EYA1: variants seen among roughly 807,000 people sequenced by gnomAD.
EYA1 encodes protein phosphatase EYA1.
EYA1 carries 16 observed loss-of-function variants against 82.0 expected under a neutral mutation model. The ratio of observed to expected loss-of-function variants is 0.20; its 90% CI spans 0.13 to 0.30. The LOEUF (loss-of-function observed/expected upper bound fraction) is 0.30, where lower values mean the gene tolerates loss of function less well. Among genes scored for constraint, EYA1 ranks in the 10% least tolerant of loss-of-function variants. EYA1 has a pLI of 1.00. For synonymous variants in EYA1, 261 were observed against 264.4 expected (o/e 0.99, Z 0.12); for missense variants, 633 against 730.7 (o/e 0.87, Z 1.54).
At chr8:71,222,057 G>A (rs2128866832) in intron 12 of EYA1, among the ~76,000 whole-genome samples, 1 of 152,282 alleles carries the variant, frequency 6.6e-6, no homozygotes, top group East Asian at 1.9e-4. Context: ...TCTCTTCCAA[G>A]TGCAGTTTCC....
intron 7 of EYA1, among the ~76,000 whole-genome samples, chr8:71,308,604 C>G (rs971595726): frequency 6.6e-6 from 1 of 151,740 alleles, no homozygotes; most frequent in African/African-American, 2.4e-5. Context: ...TAGTTAAGAA[C>G]ACAGCCTATG....
intron 2 of EYA1, among the ~76,000 whole-genome samples, chr8:71,375,710 C>T (rs761857020): frequency 1.3e-5 from 2 of 152,076 alleles, no homozygotes; most frequent in Non-Finnish European, 2.9e-5. Flanking sequence ...CTCACTGCAA[C>T]TTCTGCCTCC....
At chr8:71,338,476 A>G (rs1233005817) in intron 3 of EYA1, among the ~76,000 whole-genome samples, 3 of 152,154 alleles carry the variant, frequency 2.0e-5, no homozygotes, top group Non-Finnish European at 4.4e-5. Flanking sequence ...CATAAATTTC[A>G]GTGTGGATCT....
intron 11 of EYA1, among the ~76,000 whole-genome samples, chr8:71,261,860 C>T (rs150626363): frequency 1.3e-5 from 2 of 152,292 alleles, no homozygotes; most frequent in Admixed American, 1.3e-4. Flanking sequence ...CTCCTACCTC[C>T]CTCCTTCCTA....
intron 7 of EYA1, among the ~76,000 whole-genome samples, chr8:71,312,532 C>A (rs149849235): frequency 6.6e-6 from 1 of 152,136 alleles, no homozygotes; most frequent in African/African-American, 2.4e-5. Flanking sequence ...CTGAACCTCA[C>A]GGTCCCAAGA....
Position 71,424,322 on chromosome 8 carries a change from A to G in EYA1, c.34-67811T>C, listed in dbSNP as rs192343050. On this transcript the variant is annotated intron_variant, in intron 2 of 18. Coordinates refer to the EYA1 transcript ENST00000643681. Reference sequence around the variant, plus strand: ...CCTAAAACATCTGAGTCAAAATTCAATGATTCAAATGGTAATGAGAGTGTA... The same window carrying G: ...CCTAAAACATCTGAGTCAAAATTCAGTGATTCAAATGGTAATGAGAGTGTA... Among the ~76,000 whole-genome samples, 34 of 152,356 alleles carry G rather than the reference A, an allele frequency of 2.2e-4. No individual in the cohort carries two copies. The East Asian group carries it at 6.6e-3, about 29-fold the overall frequency.
At chr8:71,253,029 A>G (rs1041830384) in intron 11 of EYA1, among the ~76,000 whole-genome samples, 3 of 152,206 alleles carry the variant, frequency 2.0e-5, no homozygotes, top group African/African-American at 7.2e-5. Flanking sequence ...CATAGAGTCC[A>G]AATTTAGTGC....
intron 2 of EYA1, among the ~76,000 whole-genome samples, chr8:71,473,902 A>G (rs1809434687): frequency 6.6e-6 from 1 of 152,126 alleles, no homozygotes. Context: ...CTTTGCAGGG[A>G]CTTGGATGAA....
chr8:71,401,312 C>G (rs1829946017), intron 2 of EYA1, among the ~76,000 whole-genome samples: 1 of 152,190 alleles, frequency 6.6e-6, no homozygotes, highest in Non-Finnish European at 1.5e-5. Context: ...AAATCAGACA[C>G]AGCAAGAGTT....
intron 9 of EYA1, among the ~76,000 whole-genome samples, chr8:71,286,959 G>T (rs764737509): frequency 6.6e-6 from 1 of 151,868 alleles, no homozygotes; most frequent in Admixed American, 6.6e-5. Flanking sequence ...CTGCCACCAC[G>T]CCTGGCTAAT....
intron 2 of EYA1, among the ~76,000 whole-genome samples, chr8:71,393,090 T>C (rs1430854734): frequency 3.3e-5 from 5 of 152,140 alleles, no homozygotes; most frequent in African/African-American, 1.2e-4. Flanking sequence ...GATATAAAAC[T>C]ATGTACCTCT....
chr8:71,213,776 T>C (rs117766290), intron 16 of EYA1, among the ~76,000 whole-genome samples: 1,790 of 152,296 alleles, frequency 0.012, 17 homozygotes, highest in Admixed American at 0.022. Flanking sequence ...AAAACCTGAT[T>C]TCCCCATCAG....
At chr8:71,338,789 C>T (rs188740054) in intron 3 of EYA1, among the ~76,000 whole-genome samples, 10 of 152,352 alleles carry the variant, frequency 6.6e-5, no homozygotes, top group South Asian at 6.2e-4. Flanking sequence ...AAATAATTCA[C>T]GCTGCAACGC....
intron 2 of EYA1, among the ~76,000 whole-genome samples, chr8:71,497,677 A>T (rs1409992455): frequency 6.6e-6 from 1 of 152,202 alleles, no homozygotes; most frequent in Admixed American, 6.5e-5. Flanking sequence ...CAAAAAATTA[A>T]AAACAGAACT....
At chr8:71,306,592 T>A (rs181242052) in intron 7 of EYA1, among the ~76,000 whole-genome samples, 1 of 152,196 alleles carries the variant, frequency 6.6e-6, no homozygotes, top group Non-Finnish European at 1.5e-5. Flanking sequence ...CATGCACAGC[T>A]CACCATGGTA....
intron 1 of EYA1, chr8:71,356,726 G>T (rs566240595): frequency 7.4e-5 from 91 of 1,229,940 alleles, no homozygotes; most frequent in African/African-American, 9.3e-5. Context: ...CCCTTGTCAG[G>T]GGGGGAAGGC....
chr8:71,272,994 A>G (rs993811948), intron 9 of EYA1, among the ~76,000 whole-genome samples: 14 of 152,186 alleles, frequency 9.2e-5, no homozygotes, highest in Non-Finnish European at 1.5e-5. Context: ...CAACTATACC[A>G]ATAAGGCCAT....
chr8:71,459,048 T>C (rs1808172869), intron 2 of EYA1, among the ~76,000 whole-genome samples: 3 of 152,102 alleles, frequency 2.0e-5, no homozygotes, highest in Non-Finnish European at 1.5e-5. Context: ...GACTGGTGTG[T>C]ATAAAGAAAC....
At chr8:71,237,477 G>A (rs568829566) in intron 12 of EYA1, among the ~76,000 whole-genome samples, 4 of 152,224 alleles carry the variant, frequency 2.6e-5, no homozygotes, top group African/African-American at 9.6e-5. Flanking sequence ...ATTTGGCTCA[G>A]TTGTGTCTTT....
Sources: allele counts gnomAD v4.1 joint callset (sites outside exome capture counted in the v4.1 genomes callset), GRCh38; gene constraint gnomAD v4.1.1; transcripts MANE v1.5; gene names NCBI Gene and HGNC (gene_info 2026-07-23, HGNC 2026-07-21).